Variants in SPEF2 observed in about 807,000 individuals in gnomAD.
SPEF2 encodes the protein sperm flagella and cilia-associated protein 2.
In SPEF2, 187 loss-of-function variants were observed where a neutral mutation model predicts 224.6. The observed-to-expected ratio is 0.83, with a 90% CI of 0.74 to 0.94. The LOEUF is 0.94. Among genes scored for constraint, SPEF2 ranks in the 40% least tolerant of loss-of-function variants. SPEF2 has a pLI of 0.00. For synonymous variants in SPEF2, 715 were observed against 707.3 expected (o/e 1.01, Z -0.17); for missense variants, 2,170 against 2,135.6 (o/e 1.02, Z -0.32).
At chr5:35,732,223 C>CA (rs1745752452) in intron 21 of SPEF2, among the ~76,000 whole-genome samples, 1 of 152,090 alleles carries the variant, frequency 6.6e-6, no homozygotes. Context: ...TAGTATTTGA[C>CA]AATTTCTTCA....
Position 35,700,514 on chromosome 5 carries a change from A to C in SPEF2, c.2160A>C (p.Gln720His). Residue 720 changes from glutamine to histidine, a missense_variant, in exon 16 of 37, where the codon CAA (glutamine) becomes CAC (histidine). By Grantham distance (24) the Gln-to-His change is conservative. Transcript: ENST00000356031. Reference sequence around the variant, plus strand: ...AATTTAGTGAGATACCTGTGAATCAAGACTGTATCCTAGATGGTTTTCCAA... The same window carrying C: ...AATTTAGTGAGATACCTGTGAATCACGACTGTATCCTAGATGGTTTTCCAA... ...VNAINEIPVN[Q>H]DCILDGFPMT... 8.1e-6 allele frequency: 13 copies of C among 1,612,926 alleles called. No homozygotes were observed. Among genetic ancestry groups the C allele is most frequent in the Non-Finnish European group, 1.1e-5 (13 of 1,179,696 alleles).
At chr5:35,643,982 A>C (rs1041173152) in intron 3 of SPEF2, among the ~76,000 whole-genome samples, 2 of 152,168 alleles carry the variant, frequency 1.3e-5, no homozygotes, top group African/African-American at 4.8e-5. Context: ...CAATGGGAAG[A>C]ATCTAGCTTC....
At chr5:35,672,827 G>C (rs749100993) in intron 10 of SPEF2, among the ~76,000 whole-genome samples, 2 of 152,084 alleles carry the variant, frequency 1.3e-5, no homozygotes, top group Admixed American at 6.5e-5. Context: ...ACAGTTCCCA[G>C]TTTTGAGTTT....
intron 12 of SPEF2, among the ~76,000 whole-genome samples, chr5:35,692,950 CAA>C (rs1314014813): frequency 6.6e-6 from 1 of 152,108 alleles, no homozygotes; most frequent in African/African-American, 2.4e-5. Context: ...ACTTGTATAA[CAA>C]GAGAGAAAAC....
chr5:35,629,088 A>G lies in SPEF2; in HGVS notation c.161+526A>G, dbSNP rs189931795. 4.9e-4 allele frequency among the ~76,000 whole-genome samples: 74 copies of G among 149,610 alleles called. 1 individual carries two copies. Among genetic ancestry groups the G allele is most frequent in the South Asian group, 1.1e-3 (5 of 4,716 alleles). On this transcript the variant is annotated intron_variant, in intron 2 of 36. Coordinates refer to ENST00000356031, the MANE Select transcript of SPEF2 (RefSeq NM_024867.4). The stretch of plus-strand genomic sequence containing the variant: ...GAGATTGTTATATGGTTGCAGCAAG[A>G]CCTCATCTCTAAATGGGACTTATTT...
intron 20 of SPEF2, among the ~76,000 whole-genome samples, chr5:35,714,436 T>C (rs1271824772): frequency 6.6e-6 from 1 of 151,962 alleles, no homozygotes; most frequent in East Asian, 1.9e-4. Context: ...CCTTTTACGG[T>C]ATTTGGATAT....
chr5:35,735,044 T>C (rs983803557), intron 21 of SPEF2, among the ~76,000 whole-genome samples: 2 of 152,102 alleles, frequency 1.3e-5, no homozygotes, highest in Non-Finnish European at 2.9e-5. Context: ...TTAAGTTGCC[T>C]AGGTCTTTAC....
chr5:35,710,727 C>T (rs1171938058), intron 19 of SPEF2: 4 of 960,276 alleles, frequency 4.2e-6, no homozygotes, highest in Non-Finnish European at 4.9e-6. Context: ...TTCCTGAAAC[C>T]AGACTCTAGT....
chr5:35,793,353 C>T lies in SPEF2; in HGVS notation c.4737+12C>T, dbSNP rs763657367. On this transcript the variant is annotated intron_variant, in intron 32 of 36. Coordinates refer to ENST00000356031, the MANE Select transcript of SPEF2 (RefSeq NM_024867.4). ...AGCAGTATATGCAGGTTGTTACCAG[C>T]ACCTGATGGCATTGATAACACCAGA... 1.2e-5 allele frequency: 19 copies of T among 1,605,620 alleles called. No homozygotes were observed. Among genetic ancestry groups the T allele is most frequent in the Non-Finnish European group, 1.5e-5 (18 of 1,177,086 alleles).
At chr5:35,735,528 T>G (rs1746442278) in intron 21 of SPEF2, among the ~76,000 whole-genome samples, 1 of 152,160 alleles carries the variant, frequency 6.6e-6, no homozygotes, top group African/African-American at 2.4e-5. Flanking sequence ...ATTCTGTGCT[T>G]GATACATACA....
At chr5:35,629,793 CA>C (rs1370027491) in intron 2 of SPEF2, among the ~76,000 whole-genome samples, 1 of 152,172 alleles carries the variant, frequency 6.6e-6, no homozygotes, top group Non-Finnish European at 1.5e-5. Context: ...TGGAATCACA[CA>C]ATTTGTGACA....
In SPEF2 at chr5:35,800,132, T is replaced by C. The variant is rs370844504; in HGVS notation, c.4995T>C (p.Ile1665=). Residue 1665 remains isoleucine, a synonymous_variant, in exon 34 of 37, where the codon ATT becomes ATC. Coordinates refer to ENST00000356031, the MANE Select transcript of SPEF2 (RefSeq NM_024867.4). The part of the protein sequence containing the change: ...THVFQQVKAS[I]PSAEKTSSTD... ...TCTTCCAACAAGTCAAAGCTTCCAT[T>C]CCAAGTGCAGAAAAGGTAATTGCAT... is the stretch of plus-strand genomic sequence containing the variant. The C allele has an allele frequency of 2.4e-5, 38 of 1,613,950 alleles. No homozygotes were observed. The African/African-American group carries it at 4.4e-4, about 19-fold the overall frequency.
chr5:35,664,457 A>G (rs1433938637), intron 8 of SPEF2, among the ~76,000 whole-genome samples: 1 of 152,050 alleles, frequency 6.6e-6, no homozygotes, highest in East Asian at 1.9e-4. Context: ...TTGGGAGGCC[A>G]AGGCAGGTGG....
chr5:35,692,033 C>T (rs1020230227), intron 11 of SPEF2, among the ~76,000 whole-genome samples: 17 of 151,546 alleles, frequency 1.1e-4, no homozygotes, highest in Non-Finnish European at 2.4e-4. Flanking sequence ...CTCCTGATCT[C>T]GTGATCCACC....
chr5:35,731,029 T>A (rs1561274924), intron 21 of SPEF2, among the ~76,000 whole-genome samples: 1 of 152,130 alleles, frequency 6.6e-6, no homozygotes, highest in East Asian at 1.9e-4. Context: ...CGTAGGCACT[T>A]GAACATTGAA....
At chr5:35,765,620 A>T (rs140290306) in intron 26 of SPEF2, among the ~76,000 whole-genome samples, 1 of 152,174 alleles carries the variant, frequency 6.6e-6, no homozygotes, top group East Asian at 1.9e-4. Context: ...GTCTGTGCTT[A>T]TACCAACACC....
At chr5:35,740,345 C>G (rs1385800881) in intron 23 of SPEF2, 78 bp downstream of exon 23, 2 of 1,561,804 alleles carry the variant, frequency 1.3e-6, no homozygotes, top group Non-Finnish European at 1.7e-6. Flanking sequence ...CTCATTTGCT[C>G]CTTACTTTTG....
intron 30 of SPEF2, among the ~76,000 whole-genome samples, chr5:35,786,652 C>T (rs918341089): frequency 1.3e-5 from 2 of 151,742 alleles, no homozygotes; most frequent in African/African-American, 2.4e-5. Flanking sequence ...CAGCGGGAGA[C>T]TCCATCTCAA....
chr5:35,638,026 T>G (rs1246481084), intron 2 of SPEF2, among the ~76,000 whole-genome samples: 1 of 152,204 alleles, frequency 6.6e-6, no homozygotes, highest in Non-Finnish European at 1.5e-5. Flanking sequence ...CATTTAATTT[T>G]TATAACACTG....
Sources: allele counts gnomAD v4.1 joint callset (sites outside exome capture counted in the v4.1 genomes callset), GRCh38; gene constraint gnomAD v4.1.1; transcripts MANE v1.5; gene names NCBI Gene and HGNC (gene_info 2026-07-23, HGNC 2026-07-21).